Variants in RTKN observed in about 807,000 individuals in gnomAD.
The protein encoded by RTKN is rhotekin.
In RTKN, 49 loss-of-function variants were observed where a neutral mutation model predicts 63.5. The observed-to-expected ratio is 0.77, with a 90% CI of 0.61 to 0.98. The LOEUF (loss-of-function observed/expected upper bound fraction) is 0.98. RTKN is among the 50% of genes least tolerant of loss of function. The pLI is 0.00. For synonymous variants in RTKN, 295 were observed against 290.4 expected, an observed-to-expected ratio of 1.02 and a Z score of -0.16; for missense variants, 685 against 740.8, an observed-to-expected ratio of 0.92 and a Z score of 0.87.
At chr2:74,426,951 CCTGGCTCA>C in intron 11 of RTKN, 1 of 985,324 alleles carries the variant, frequency 1.0e-6, no homozygotes, top group African/African-American at 1.7e-5. Context: ...ATGAAATGAT[CCTGGCTCA>C]CTGGGGTTTT....
At chr2:74,431,766 C>G (rs1670765073) in intron 2 of RTKN, 2 of 153,944 alleles carry the variant, frequency 1.3e-5, no homozygotes, top group Admixed American at 6.5e-5. Context: ...ACTATTTCCC[C>G]TAGCAGCCTC....
chr2:74,439,333 G>A (rs1671222866), intron 1 of RTKN, among the ~76,000 whole-genome samples: 1 of 152,174 alleles, frequency 6.6e-6, no homozygotes, highest in Non-Finnish European at 1.5e-5. Flanking sequence ...CCTGAAATAG[G>A]TGTAAAGACC....
chr2:74,432,466 C>T lies in RTKN; in HGVS notation c.311+1G>A. ...CGAGGCCTCGTCTCCCCCTTGCTCA[C>T]CGCCGGCTTGTCTTCCCCAGCACCT... On this transcript the variant is annotated splice_donor_variant, in intron 2 of 11. Coordinates refer to ENST00000272430, the MANE Select transcript of RTKN (RefSeq NM_001015055.2). LOFTEE classifies it high-confidence loss of function. 4 of 1,607,672 alleles carry T rather than the reference C, an allele frequency of 2.5e-6. No individual in the cohort carries two copies. The highest frequency in any genetic ancestry group is 3.4e-6 in the Non-Finnish European group (4 of 1,179,922).
At chr2:74,437,900 A>G (rs1671142846) in intron 1 of RTKN, among the ~76,000 whole-genome samples, 1 of 152,192 alleles carries the variant, frequency 6.6e-6, no homozygotes, top group Admixed American at 6.5e-5. Context: ...AAACCAGACC[A>G]GGACTCTCAC....
At chr2:74,435,111 C>T (rs569168829) in intron 1 of RTKN, among the ~76,000 whole-genome samples, 3 of 152,160 alleles carry the variant, frequency 2.0e-5, no homozygotes, top group African/African-American at 7.2e-5. Context: ...GAGATGAGGT[C>T]AGAGGCAAGG....
At chr2:74,437,714 C>A (rs556287621) in intron 1 of RTKN, among the ~76,000 whole-genome samples, 4 of 152,286 alleles carry the variant, frequency 2.6e-5, no homozygotes, top group South Asian at 4.1e-4. Context: ...CCATATGTAA[C>A]TGATGTGGAC....
chr2:74,440,437 C>T (rs765832259), intron 1 of RTKN: 20 of 986,714 alleles, frequency 2.0e-5, no homozygotes, highest in Non-Finnish European at 2.4e-5. Context: ...CTTCTGCAGG[C>T]CCCTTCCCTT....
Position 74,427,595 on chromosome 2 carries a change from G to A in RTKN, c.1087-3C>T. 1.9e-6 allele frequency: 3 copies of A among 1,611,550 alleles called. No homozygotes were observed. Among genetic ancestry groups the A allele is most frequent in the Non-Finnish European group, 2.5e-6 (3 of 1,179,608 alleles). On this transcript the variant is annotated splice_region_variant and splice_polypyrimidine_tract_variant and intron_variant, in intron 9 of 11. Transcript: ENST00000272430. ...TCCCCTGCCCGGACTCGAGTCTCCTGCAGGAGAAAGAAGAGGTCTACCTTG... is the reference window on the plus strand; with the variant it reads ...TCCCCTGCCCGGACTCGAGTCTCCTACAGGAGAAAGAAGAGGTCTACCTTG...
At chr2:74,434,735 C>A (rs557750106) in intron 1 of RTKN, among the ~76,000 whole-genome samples, 3 of 152,150 alleles carry the variant, frequency 2.0e-5, no homozygotes, top group Non-Finnish European at 4.4e-5. Context: ...TTATATATAC[C>A]CTTTGTACTA....
chr2:74,427,295 A>G lies in RTKN; in HGVS notation c.1256-22T>C, dbSNP rs745518022. 2.5e-6 allele frequency: 4 copies of G among 1,612,300 alleles called. No homozygotes were observed. The Admixed American group carries it at 6.7e-5, about 27-fold the overall frequency. ...TGGCCTGGAAGAAGAGCGCTGATTA[A>G]AAGAGAGAGCCAGGCTGCCCTTTCT... On this transcript the variant is annotated intron_variant, in intron 10 of 11. Coordinates refer to ENST00000272430, the MANE Select transcript of RTKN (RefSeq NM_001015055.2).
intron 1 of RTKN, among the ~76,000 whole-genome samples, chr2:74,440,859 G>A (rs1671331501): frequency 6.6e-6 from 1 of 152,270 alleles, no homozygotes; most frequent in South Asian, 2.1e-4. Flanking sequence ...TCCCAGCCGG[G>A]AGGTAGAGGG....
chr2:74,434,043 A>C (rs1179369231), intron 1 of RTKN, among the ~76,000 whole-genome samples: 11 of 152,148 alleles, frequency 7.2e-5, no homozygotes, highest in African/African-American at 2.4e-4. Flanking sequence ...ATAGATATGC[A>C]TGTTTATGCA....
Position 74,441,908 on chromosome 2 carries a change from C to G in RTKN, c.-92G>C. 3 of 749,740 alleles carry G rather than the reference C, an allele frequency of 4.0e-6. No individual in the cohort carries two copies. The South Asian group carries it at 5.0e-5, about 13-fold the overall frequency. The allele number at this position is 749,740 out of a possible 1,614,324, so 46.4% of individuals were successfully genotyped here. The stretch of plus-strand genomic sequence containing the variant: ...TCGGCTTCTGTCTCTCGACGCTCGT[C>G]CGCCAGTCCGGCCGGGAATCTCCCG... On this transcript the variant is annotated 5_prime_UTR_variant, in exon 1 of 12. Transcript: ENST00000272430.
Position 74,428,260 on chromosome 2 carries a change from C to A in RTKN, c.1086+8G>T. 1.1e-5 allele frequency: 17 copies of A among 1,614,108 alleles called. No homozygotes were observed. The highest frequency in any genetic ancestry group is 1.4e-5 in the Non-Finnish European group (17 of 1,180,018). ...CCTTGGTGGCCTTACTACCAAGGGA[C>A]CCATCACCTTGTTGACAGCAATAGT... On this transcript the variant is annotated splice_region_variant and intron_variant, in intron 9 of 11. Transcript: ENST00000272430.
In RTKN at chr2:74,426,451, G is replaced by T; in HGVS notation, c.1484C>A (p.Pro495His). 1.9e-6 allele frequency: 3 copies of T among 1,612,082 alleles called. No homozygotes were observed. Among genetic ancestry groups the T allele is most frequent in the Non-Finnish European group, 1.7e-6 (2 of 1,179,112 alleles). ...TGGGGCCACTGAGGCAGGCGAGCAG[G>T]GGTTAGGCAGGGCAGGCTGGTCTGT... ...MFTDQPALPNPCSPASVAPAP... is the reference protein window; with the variant it reads ...MFTDQPALPNHCSPASVAPAP... Residue 495 changes from proline to histidine, a missense_variant, in exon 12 of 12, where the codon CCC becomes CAC. Transcript: ENST00000272430.
chr2:74,426,600 G>A (rs1329593806), intron 11 of RTKN, 26 bp from the exon 12 acceptor site: 2 of 1,519,638 alleles, frequency 1.3e-6, no homozygotes, highest in Admixed American at 2.1e-5. Context: ...GGGGTTGGGG[G>A]AGGGTTGGGC....
intron 1 of RTKN, among the ~76,000 whole-genome samples, chr2:74,435,314 G>T (rs1271794934): frequency 6.6e-6 from 1 of 152,206 alleles, no homozygotes; most frequent in Admixed American, 6.5e-5. Context: ...TGTAAATCAG[G>T]AATGGAAATA....
Position 74,428,656 on chromosome 2 carries a change from G to A in RTKN, c.932C>T (p.Thr311Ile), listed in dbSNP as rs543997011. The change falls in exon 8 of 12, where the codon ACT becomes ATT. Residue 311 changes from threonine (T) to isoleucine (I), a missense_variant. By Grantham distance (89) the Thr-to-Ile change is moderately conservative (BLOSUM62 -1). Coordinates refer to ENST00000272430, the MANE Select transcript of RTKN (RefSeq NM_001015055.2). ...AAQPLCMTQPTASGTLRVQQA... is the reference protein window; with the variant it reads ...AAQPLCMTQPIASGTLRVQQA... The stretch of plus-strand genomic sequence containing the variant: ...CTGCACCCTGAGGGTACCACTTGCA[G>A]TGGGCTGAGTCATGCAGAGAGGCTG... The A allele has an allele frequency of 1.2e-6, 2 of 1,613,856 alleles. No individual in the cohort carries two copies. The highest frequency in any genetic ancestry group is 2.2e-5 in the South Asian group (2 of 90,986).
chr2:74,441,303 G>A (rs1486770067), intron 1 of RTKN, among the ~76,000 whole-genome samples: 2 of 152,228 alleles, frequency 1.3e-5, no homozygotes, highest in Non-Finnish European at 2.9e-5. Flanking sequence ...CAGGTTGTGG[G>A]ATGGGGCTGG....
Sources: allele counts gnomAD v4.1 joint callset (sites outside exome capture counted in the v4.1 genomes callset), GRCh38; gene constraint gnomAD v4.1.1; transcripts MANE v1.5; gene names NCBI Gene and HGNC (gene_info 2026-07-23, HGNC 2026-07-21).